CTNNA2: variants seen among roughly 807,000 people sequenced by gnomAD.
CTNNA2 encodes catenin alpha-2.
Under a neutral mutation model 101.0 loss-of-function variants are expected in CTNNA2, and 42 were observed. The ratio of observed to expected loss-of-function variants is 0.42; its 90% CI spans 0.32 to 0.54. CTNNA2 has a LOEUF of 0.54. Ranked by LOEUF, CTNNA2 falls within the 20% of genes least tolerant of loss-of-function variation. CTNNA2 has a pLI of 0.14. For missense variants in CTNNA2, 871 were observed against 1,223.1 expected, an observed-to-expected ratio of 0.71 and a Z score of 4.29; for synonymous variants, 450 against 456.4, an observed-to-expected ratio of 0.99 and a Z score of 0.18.
intron 5 of CTNNA2, 101 bp downstream of exon 5, chr2:79,870,036 A>G (rs1173477323): frequency 6.3e-6 from 9 of 1,424,900 alleles, no homozygotes; most frequent in Non-Finnish European, 4.8e-6. Flanking sequence ...TCTGCTTGCT[A>G]TCAAATGCCC....
chr2:79,202,409 C>T (rs1674048781), intron 2 of CTNNA2, among the ~76,000 whole-genome samples: 1 of 151,734 alleles, frequency 6.6e-6, no homozygotes, highest in South Asian at 2.1e-4. Context: ...GTGGTGCAAT[C>T]ACAGCTCACT....
rs901413575 is a variant in CTNNA2, at chr2:79,493,509, G to A, written c.-134-11545G>A. On this transcript the variant is annotated intron_variant, in intron 4 of 21. Coordinates refer to the CTNNA2 transcript ENST00000466387. ...CACATGCCTGTAGTCCCAGCTACTC[G>A]GGAGGCTGAGGCAGAAGAATCGCTT... Among the ~76,000 whole-genome samples the A allele has an allele frequency of 9.9e-5, 15 of 152,058 alleles. No homozygotes were observed. In the South Asian group the frequency reaches 1.0e-3, roughly 11 times the overall value.
intron 2 of CTNNA2, among the ~76,000 whole-genome samples, chr2:79,707,338 G>C (rs1226690062): frequency 6.6e-6 from 1 of 152,200 alleles, no homozygotes; most frequent in African/African-American, 2.4e-5. Flanking sequence ...AATATACACA[G>C]TGTAATTACA....
intron 7 of CTNNA2, among the ~76,000 whole-genome samples, chr2:80,242,017 AAG>A (rs1268365249): frequency 6.6e-6 from 1 of 152,222 alleles, no homozygotes; most frequent in African/African-American, 2.4e-5. Flanking sequence ...AAATTTTAGA[AAG>A]AATGTTTTAG....
At chr2:79,596,988 T>G (rs949273479) in intron 1 of CTNNA2, among the ~76,000 whole-genome samples, 1 of 152,154 alleles carries the variant, frequency 6.6e-6, no homozygotes, top group African/African-American at 2.4e-5. Context: ...TTTTGTAAAG[T>G]GGGGTGGACA....
chr2:79,908,800 C>T (rs1206759495), intron 6 of CTNNA2, among the ~76,000 whole-genome samples: 1 of 152,138 alleles, frequency 6.6e-6, no homozygotes, highest in African/African-American at 2.4e-5. Context: ...TTTACCAGAT[C>T]CCTATAAAGA....
At chr2:79,560,509 C>T (rs1674709501) in intron 1 of CTNNA2, among the ~76,000 whole-genome samples, 1 of 151,754 alleles carries the variant, frequency 6.6e-6, no homozygotes, top group African/African-American at 2.4e-5. Context: ...TTGCTGGCTT[C>T]TAAGAATAGG....
intron 7 of CTNNA2, among the ~76,000 whole-genome samples, chr2:80,015,068 T>G (rs1694049290): frequency 6.6e-6 from 1 of 152,180 alleles, no homozygotes; most frequent in Admixed American, 6.5e-5. Context: ...GGGAGTCTAT[T>G]TAATTTTTAG....
intron 9 of CTNNA2, among the ~76,000 whole-genome samples, chr2:80,502,997 T>C (rs892261660): frequency 1.2e-4 from 19 of 152,106 alleles, no homozygotes; most frequent in Admixed American, 1.0e-3. Context: ...CAAGACCTCC[T>C]TGTTTCTACA....
intron 2 of CTNNA2, among the ~76,000 whole-genome samples, chr2:79,664,448 A>G (rs1175474831): frequency 6.6e-6 from 1 of 152,130 alleles, no homozygotes; most frequent in African/African-American, 2.4e-5. Flanking sequence ...ATTCATTATC[A>G]CTTTTGTGCC....
intron 2 of CTNNA2, among the ~76,000 whole-genome samples, chr2:79,288,892 A>G (rs1049156103): frequency 6.6e-6 from 1 of 152,368 alleles, no homozygotes; most frequent in South Asian, 2.1e-4. Context: ...TAAGAATGAG[A>G]AAATTGAACA....
At chr2:80,456,601 A>T (rs964703100) in intron 9 of CTNNA2, among the ~76,000 whole-genome samples, 7 of 152,234 alleles carry the variant, frequency 4.6e-5, no homozygotes, top group African/African-American at 1.7e-4. Context: ...AATTAAATGC[A>T]GTTAGTGTTT....
At position 80,593,347 on chromosome 2, in the gene CTNNA2, TTTTGTTTG is replaced by T; in HGVS notation, c.2189+3874_2189+3881del. On this transcript the variant is annotated intron_variant, in intron 15 of 18. Coordinates refer to ENST00000402739, the MANE Select transcript of CTNNA2 (RefSeq NM_001282597.3). Reference sequence around the variant, plus strand: ...ATGTGATTTTTTTTTTCTTTTGTTTTTTTGTTTGTTTGTTTGTTTTGCTGTTGGCTATT... The same window carrying T: ...ATGTGATTTTTTTTTTCTTTTGTTTTTTTGTTTGTTTTGCTGTTGGCTATT... Among the ~76,000 whole-genome samples, 3 of 152,170 alleles carry T rather than the reference TTTTGTTTG, an allele frequency of 2.0e-5. No individual in the cohort carries two copies. In the South Asian group the frequency reaches 6.2e-4, roughly 32 times the overall value.
intron 3 of CTNNA2, chr2:79,319,833 A>C (rs919113057): frequency 6.6e-6 from 1 of 152,176 alleles, no homozygotes; most frequent in African/African-American, 2.4e-5. Context: ...GAATCCTGGA[A>C]AAAGCAAGAA....
intron 9 of CTNNA2, among the ~76,000 whole-genome samples, chr2:80,483,130 A>G (rs889197417): frequency 6.6e-6 from 1 of 152,160 alleles, no homozygotes; most frequent in Non-Finnish European, 1.5e-5. Context: ...TCTCTGAGAG[A>G]GTAGCATAGC....
At chr2:80,551,095 T>C (rs1264677711) in intron 11 of CTNNA2, among the ~76,000 whole-genome samples, 1 of 152,212 alleles carries the variant, frequency 6.6e-6, no homozygotes, top group Admixed American at 6.5e-5. Flanking sequence ...TTAATCTCTG[T>C]GTATATCTCC....
chr2:79,432,621 AG>A (rs1228250785), intron 4 of CTNNA2, among the ~76,000 whole-genome samples: 1 of 152,198 alleles, frequency 6.6e-6, no homozygotes, highest in Admixed American at 6.5e-5. Context: ...AGATACCACA[AG>A]GGTAAAATCT....
chr2:79,238,441 A>T (rs1026079450), intron 2 of CTNNA2, among the ~76,000 whole-genome samples: 1 of 152,150 alleles, frequency 6.6e-6, no homozygotes, highest in Non-Finnish European at 1.5e-5. Flanking sequence ...ATATAATATG[A>T]ATTACCAAAA....
chr2:79,896,747 TGGGAATTAAAGAGGAAA>T (rs1342678069), intron 6 of CTNNA2, among the ~76,000 whole-genome samples: 1 of 152,094 alleles, frequency 6.6e-6, no homozygotes, highest in Non-Finnish European at 1.5e-5. Context: ...AGCTTAATAA[TGGGAATTAAAGAGGAAA>T]GTTTTGTACA....
Sources: allele counts gnomAD v4.1 joint callset (sites outside exome capture counted in the v4.1 genomes callset), GRCh38; gene constraint gnomAD v4.1.1; transcripts MANE v1.5; gene names NCBI Gene and HGNC (gene_info 2026-07-23, HGNC 2026-07-21).